The following FASN variants were observed in gnomAD, a reference collection of about 807,000 sequenced individuals.
FASN encodes fatty acid synthase, also known as 3-hydroxyacyl-[acyl-carrier-protein] dehydratase.
In FASN, 50 loss-of-function variants were observed where a neutral mutation model predicts 250.0. The observed-to-expected ratio is 0.20, with a 90% CI of 0.16 to 0.25. The LOEUF is 0.25. Among genes scored for constraint, FASN ranks in the 10% least tolerant of loss-of-function variants. The pLI is 1.00. For synonymous variants in FASN, 1,909 were observed against 1,584.0 expected (o/e 1.21, Z -4.87); for missense variants, 3,031 against 3,498.5 (o/e 0.87, Z 3.37).
intron 3 of FASN, 103 bp downstream of exon 3, chr17:82,095,217 G>A (rs1029671353): frequency 7.3e-7 from 1 of 1,378,268 alleles, no homozygotes; most frequent in Admixed American, 1.7e-5. Flanking sequence ...GAGGGTAGGT[G>A]GTGCCAGCAC....
chr17:82,083,755 C>A lies in FASN; in HGVS notation c.5218+17G>T, dbSNP rs763284788. The A allele has an allele frequency of 1.2e-6, 2 of 1,611,252 alleles. No homozygotes were observed. Among genetic ancestry groups the A allele is most frequent in the Admixed American group, 1.7e-5 (1 of 59,908 alleles). On this transcript the variant is annotated intron_variant, in intron 30 of 42. Transcript: ENST00000306749. ...AGGCTAGGCAGGAGGCAGGTGGGGG[C>A]TGTGGGGGCCACTCACCCTTCCCGC...
chr17:82,090,469 G>A lies in FASN; in HGVS notation c.1776C>T (p.Gly592=). The change falls in exon 11 of 43, where the codon GGC becomes GGT. Residue 592 remains glycine (G), a synonymous_variant. Transcript: ENST00000306749. ...GGACGGCCTCCTCCTGGGACAGGCA[G>A]CCGTCGGCGTAGCCACAGGCCACCT... ...LGEVACGYAD[G]CLSQEEAVLA... 2.5e-6 allele frequency: 4 copies of A among 1,607,472 alleles called. No individual in the cohort carries two copies. Among genetic ancestry groups the A allele is most frequent in the Non-Finnish European group, 3.4e-6 (4 of 1,178,004 alleles).
Position 82,095,094 on chromosome 17 carries a change from C to T in FASN, c.280+226G>A, listed in dbSNP as rs73358033. 1.1e-3 allele frequency among the ~76,000 whole-genome samples: 174 copies of T among 152,338 alleles called. 1 individual carries two copies. Among genetic ancestry groups the T allele is most frequent in the African/African-American group, 3.9e-3 (164 of 41,588 alleles). ...GACATCAGAAGCGAGGAGACTGGTA[C>T]GCTCAGGTCAGGGCACACCCGCGAC... On this transcript the variant is annotated intron_variant, in intron 3 of 42. Transcript: ENST00000306749.
In FASN at chr17:82,096,359, A is replaced by T; in HGVS notation, c.87T>A (p.Gly29=). 6.2e-7 allele frequency: 1 copy of T among 1,612,840 alleles called. No homozygotes were observed. Reference sequence around the variant, plus strand: ...GGTCATCGTCCGTGACCATGTCCACACCGCCGATGAGGTTGTCCCAGAACT... The same window carrying T: ...GGTCATCGTCCGTGACCATGTCCACTCCGCCGATGAGGTTGTCCCAGAACT... ...LQEFWDNLIG[G]VDMVTDDDRR... The change falls in exon 2 of 43, where the codon GGT becomes GGA. Residue 29 remains glycine, a synonymous_variant. Transcript: ENST00000306749.
In FASN at chr17:82,089,294, A is replaced by G; in HGVS notation, c.2056T>C (p.Phe686Leu). The G allele has an allele frequency of 6.2e-7, 1 of 1,612,704 alleles. No individual in the cohort carries two copies. The highest frequency in any genetic ancestry group is 8.5e-7 in the Non-Finnish European group (1 of 1,179,940). Residue 686 changes from phenylalanine to leucine, a missense_variant, in exon 13 of 43, where the codon TTC (phenylalanine) becomes CTC (leucine). Physicochemically the swap from Phe to Leu is conservative, Grantham distance 22. Coordinates refer to ENST00000306749, the MANE Select transcript of FASN (RefSeq NM_004104.5). Reference sequence around the variant, plus strand: ...AGTGGGGGTGCGATGGCCTCCATGAAGTAGGAGTGGAAGGCCATACCGCCG... The same window carrying G: ...AGTGGGGGTGCGATGGCCTCCATGAGGTAGGAGTGGAAGGCCATACCGCCG... The part of the protein sequence containing the change: ...RTGGMAFHSY[F>L]MEAIAPPLLQ...
At chr17:82,090,352 G>A (rs940650904) in intron 11 of FASN, 23 bp downstream of exon 11, 2 of 1,561,246 alleles carry the variant, frequency 1.3e-6, no homozygotes, top group East Asian at 2.3e-5. Context: ...TGGAGGTGCT[G>A]GGGGCCCCTC....
At chr17:82,087,900 G>A (rs369288933) in intron 18 of FASN, 39 bp from the exon 19 acceptor site, 211 of 1,611,966 alleles carry the variant, frequency 1.3e-4, no homozygotes, top group Non-Finnish European at 1.6e-4. Context: ...GAGGACGGGC[G>A]GCATGGCCAG....
chr17:82,093,921 T>TA, intron 3 of FASN, 150 bp from the exon 4 acceptor site: 5 of 834,150 alleles, frequency 6.0e-6, no homozygotes, highest in Non-Finnish European at 9.6e-6. Flanking sequence ...GGAAGGGGCC[T>TA]AAGGAGGGTG....
rs1213744118 is a variant in FASN at position 82,079,552 on chromosome 17, C to T, written c.7203G>A (p.Val2401=). Residue 2401 remains valine (V), a synonymous_variant, in exon 42 of 43, where the codon GTG becomes GTA. Transcript: ENST00000306749. ...CCTGGTGGCTCTTGATGATCAGGTCCACGGCGGCTGCCACACGCTCCTCTA... is the reference window on the plus strand; with the variant it reads ...CCTGGTGGCTCTTGATGATCAGGTCTACGGCGGCTGCCACACGCTCCTCTA... ...KGLEERVAAA[V]DLIIKSHQGL... 1.0e-5 allele frequency: 16 copies of T among 1,607,760 alleles called. No homozygotes were observed. The East Asian group carries it at 2.5e-4, about 25-fold the overall frequency.
intron 37 of FASN, 83 bp downstream of exon 37, chr17:82,081,518 G>T: frequency 2.5e-6 from 4 of 1,597,218 alleles, no homozygotes; most frequent in Non-Finnish European, 3.4e-6. Flanking sequence ...AAACTGAGGC[G>T]CACAGGGGCA....
At chr17:82,090,631 G>T in intron 10 of FASN, 67 bp from the exon 11 acceptor site, 1 of 1,397,540 alleles carries the variant, frequency 7.2e-7, no homozygotes, top group Non-Finnish European at 1.0e-6. Context: ...GCGGCCCCCG[G>T]CCCCACTAGG....
chr17:82,097,107 G>T (rs1029172023), intron 1 of FASN, among the ~76,000 whole-genome samples: 6 of 152,188 alleles, frequency 3.9e-5, no homozygotes, highest in African/African-American at 1.4e-4. Context: ...GGGAAAGGTG[G>T]CCCCTGCCCC....
In FASN at chr17:82,085,546, AGG is replaced by A; in HGVS notation, c.4056_4057del (p.Leu1353ArgfsTer11). Reference sequence around the variant, plus strand: ...GGTGAGGAAGGCCACGATGTCCCCGAGGGGGTGCCCCCGGAGCAGTGTGTGCA... The same window carrying A: ...GGTGAGGAAGGCCACGATGTCCCCGAGGGTGCCCCCGGAGCAGTGTGTGCA... On this transcript the variant is annotated frameshift_variant, in exon 23 of 43. Transcript: ENST00000306749. LOFTEE classifies it high-confidence loss of function. 1 of 1,596,182 alleles carries A rather than the reference AGG, an allele frequency of 6.3e-7. No homozygotes were observed. The highest frequency in any genetic ancestry group is 8.5e-7 in the Non-Finnish European group (1 of 1,172,138).
Position 82,085,263 on chromosome 17 carries a change from C to G in FASN, c.4262G>C (p.Ser1421Thr). Residue 1421 changes from serine (S) to threonine (T), a missense_variant, in exon 24 of 43, where the codon AGC (serine) becomes ACC (threonine). Transcript: ENST00000306749. Reference sequence around the variant, plus strand: ...CTTCAGAGACTCCACCCAGCGGAAGCTGGTATCGTCCACCGGCAGGAAGAT... The same window carrying G: ...CTTCAGAGACTCCACCCAGCGGAAGGTGGTATCGTCCACCGGCAGGAAGAT... ...SPIFLPVDDT[S>T]FRWVESLKGI... The G allele has an allele frequency of 6.2e-7, 1 of 1,611,726 alleles. No homozygotes were observed. Among genetic ancestry groups the G allele is most frequent in the Non-Finnish European group, 8.5e-7 (1 of 1,179,500 alleles).
At chr17:82,098,062 A>AC in intron 1 of FASN, 59 bp downstream of exon 1, 1 of 312,298 alleles carries the variant, frequency 3.2e-6, no homozygotes, top group South Asian at 1.5e-4. Context: ...CACCCCGGGA[A>AC]CCCCGGGCCC....
chr17:82,092,584 G>A lies in FASN; in HGVS notation c.900C>T (p.Gly300=), dbSNP rs571882468. 96 of 1,605,850 alleles carry A rather than the reference G, an allele frequency of 6.0e-5. No individual in the cohort carries two copies. The South Asian group carries it at 8.0e-4, about 13-fold the overall frequency. The part of the protein sequence containing the change: ...IEAHGTGTKV[G]DPQELNGITR... ...TGATGCCATTCAGCTCCTGGGGGTC[G>A]CCCACCTGTGGGAAACATGGGGGGT... is the stretch of plus-strand genomic sequence containing the variant. Residue 300 remains glycine, a synonymous_variant, in exon 8 of 43, where the codon GGC becomes GGT. Coordinates refer to ENST00000306749, the MANE Select transcript of FASN (RefSeq NM_004104.5).
At chr17:82,082,871 G>C (rs564153208) in intron 33 of FASN, 43 bp downstream of exon 33, 3 of 1,607,064 alleles carry the variant, frequency 1.9e-6, no homozygotes, top group African/African-American at 2.7e-5. Context: ...GCCCGGGGCT[G>C]TGCCTGGCCC....
Position 82,080,886 on chromosome 17 carries a change from G to A in FASN, c.6632C>T (p.Ala2211Val), listed in dbSNP as rs2033975378. 1 of 1,610,892 alleles carries A rather than the reference G, an allele frequency of 6.2e-7. No individual in the cohort carries two copies. The highest frequency in any genetic ancestry group is 8.5e-7 in the Non-Finnish European group (1 of 1,179,374). ...CAGGTTCAGCTGAGTCTGCTGCTGGGCCAGACCATCCTCCTTGGGCGTGGG... is the reference window on the plus strand; with the variant it reads ...CAGGTTCAGCTGAGTCTGCTGCTGGACCAGACCATCCTCCTTGGGCGTGGG... ...ACPTPKEDGL[A>V]QQQTQLNLRS... The change falls in exon 39 of 43, where the codon GCC becomes GTC. Residue 2211 changes from alanine to valine, a missense_variant. Ala to Val is a moderately conservative substitution (Grantham distance 64, BLOSUM62 0). Coordinates refer to ENST00000306749, the MANE Select transcript of FASN (RefSeq NM_004104.5).
chr17:82,094,110 CG>C (rs2034264681), intron 3 of FASN: 1 of 422,140 alleles, frequency 2.4e-6, no homozygotes, highest in African/African-American at 2.0e-5. Context: ...TGTCCCCAGG[CG>C]ACGCCTTTGG....
Sources: gnomAD v4.1 joint callset for allele counts (sites outside exome capture counted in the v4.1 genomes callset) on GRCh38, gnomAD v4.1.1 for gene constraint, MANE v1.5 for transcripts, NCBI Gene and HGNC (gene_info 2026-07-23, HGNC 2026-07-21) for gene names.